Variants in CELF2 observed in about 807,000 individuals in gnomAD.
CELF2 encodes CUG triplet repeat RNA-binding protein 2.
CELF2 carries 8 observed loss-of-function variants against 62.6 expected under a neutral mutation model. The ratio of observed to expected loss-of-function variants is 0.13; its 90% confidence interval spans 0.07 to 0.23. The LOEUF is 0.23. Among genes scored for constraint, CELF2 ranks in the 10% least tolerant of loss-of-function variants. The pLI is 1.00. For missense variants in CELF2, 333 were observed against 671.0 expected, an observed-to-expected ratio of 0.50 and a Z score of 5.56; for synonymous variants, 258 against 250.0, an observed-to-expected ratio of 1.03 and a Z score of -0.30.
At chr10:10,876,731 A>T (rs2061121381) in intron 1 of CELF2, among the ~76,000 whole-genome samples, 1 of 152,162 alleles carries the variant, frequency 6.6e-6, no homozygotes, top group African/African-American at 2.4e-5. Context: ...CATGTCTCTT[A>T]TGTTCTCCTC....
rs2092386532 is a variant in CELF2, at chr10:11,290,632, G to C, written c.976+2080G>C. On this transcript the variant is annotated intron_variant, in intron 9 of 12. Coordinates refer to ENST00000633077, the MANE Select transcript of CELF2 (RefSeq NM_001326342.2). This position sits in a 1 kb window ranked among gnomAD's most constrained non-coding sequence, Gnocchi z 4.3. ...GTGACTATTTTCAATTTCTTCCTGA[G>C]ACTGCAGTGGAGGAAAATGTGTTGT... is the stretch of plus-strand genomic sequence containing the variant. Among the ~76,000 whole-genome samples the C allele has an allele frequency of 6.6e-6, 1 of 152,124 alleles. No individual in the cohort carries two copies. The highest frequency in any genetic ancestry group is 1.5e-5 in the Non-Finnish European group (1 of 68,030).
chr10:10,816,789 G>A (rs1176784667), intron 1 of CELF2, among the ~76,000 whole-genome samples: 2 of 152,198 alleles, frequency 1.3e-5, no homozygotes, highest in Non-Finnish European at 2.9e-5. Context: ...GTATGGTCCA[G>A]GTTCAGGTAA....
chr10:10,902,521 T>C (rs2063012640), intron 1 of CELF2, among the ~76,000 whole-genome samples: 1 of 152,198 alleles, frequency 6.6e-6, no homozygotes, highest in Admixed American at 6.5e-5. Flanking sequence ...CATAGGATTC[T>C]ATTTATGTAC....
chr10:10,795,239 CTTTTTT>C (rs10551602), upstream of CELF2, among the ~76,000 whole-genome samples: 3 of 134,734 alleles, frequency 2.2e-5, no homozygotes, highest in African/African-American at 8.1e-5. Context: ...ATGGATTCAA[CTTTTTT>C]TTTTTTTTTT....
intron 1 of CELF2, among the ~76,000 whole-genome samples, chr10:11,087,468 C>G (rs1564680656): frequency 6.6e-6 from 1 of 152,222 alleles, no homozygotes; most frequent in African/African-American, 2.4e-5. Flanking sequence ...GAAGTAGCAA[C>G]TGGCTTCTCC....
At chr10:10,836,422 C>T (rs1277434230) in intron 1 of CELF2, among the ~76,000 whole-genome samples, 1 of 152,182 alleles carries the variant, frequency 6.6e-6, no homozygotes, top group Non-Finnish European at 1.5e-5. Context: ...GATAAAACTA[C>T]AAGTGTGTCT....
chr10:10,864,385 AC>A (rs1184488505), intron 1 of CELF2, among the ~76,000 whole-genome samples: 1 of 152,164 alleles, frequency 6.6e-6, no homozygotes, highest in Non-Finnish European at 1.5e-5. Context: ...GCCACTCTTG[AC>A]TGAGCTCTCT....
the CELF2 span, among the ~76,000 whole-genome samples, chr10:10,477,262 G>T: frequency 1.3e-5 from 2 of 152,142 alleles, no homozygotes; most frequent in East Asian, 3.8e-4. Flanking sequence ...ATGGGGTTGG[G>T]GAGAGGCATA....
intron 1 of CELF2, among the ~76,000 whole-genome samples, chr10:10,898,839 A>G (rs926665175): frequency 6.6e-6 from 1 of 152,266 alleles, no homozygotes; most frequent in Non-Finnish European, 1.5e-5. Flanking sequence ...AACATTTAGC[A>G]AAATAGTTCA....
chr10:11,204,643 G>A (rs983952314), intron 2 of CELF2, among the ~76,000 whole-genome samples: 14 of 152,216 alleles, frequency 9.2e-5, no homozygotes, highest in Admixed American at 9.2e-4. Context: ...CGGAACCACA[G>A]TCAGACGGCA....
chr10:10,985,552 G>T (rs1037694023), intron 2 of CELF2, among the ~76,000 whole-genome samples: 1 of 152,152 alleles, frequency 6.6e-6, no homozygotes, highest in African/African-American at 2.4e-5. Context: ...TAAGTGCTTG[G>T]TAATCATCTT....
At chr10:11,005,038 A>G (rs2054948022), upstream of CELF2, 1 of 985,284 alleles carries the variant, frequency 1.0e-6, no homozygotes, top group African/African-American at 1.7e-5. The surrounding 1 kb of genome is among the most constrained non-coding windows in gnomAD (Gnocchi z 4.3). Context: ...TTGTTCCCCC[A>G]ATTTTTAAAG....
At chr10:10,758,927 A>G in the CELF2 span, among the ~76,000 whole-genome samples, 23,173 of 152,086 alleles carry the variant, frequency 0.15, 1,968 homozygotes, top group East Asian at 0.29. Context: ...TTGTCTTTTG[A>G]TTAAAACTGC....
intron 9 of CELF2, among the ~76,000 whole-genome samples, chr10:11,301,538 G>T: frequency 8.1e-6 from 1 of 124,192 alleles, no homozygotes; most frequent in African/African-American, 3.2e-5. Context: ...CGCTCCCGCT[G>T]CCCCCGGCCC....
chr10:10,568,884 T>C, the CELF2 span, among the ~76,000 whole-genome samples: 1 of 152,156 alleles, frequency 6.6e-6, no homozygotes, highest in East Asian at 1.9e-4. Context: ...TTGGAGCCTA[T>C]GGCCATAAAT....
intron 1 of CELF2, among the ~76,000 whole-genome samples, chr10:11,139,508 G>A (rs2060958156): frequency 6.6e-6 from 1 of 152,172 alleles, no homozygotes; most frequent in South Asian, 2.1e-4. Context: ...CTAAATAAAA[G>A]GGGCCATATC....
intron 12 of CELF2, 77 bp downstream of exon 12, chr10:11,326,056 G>T: frequency 7.0e-7 from 1 of 1,433,866 alleles, no homozygotes; most frequent in Non-Finnish European, 9.5e-7. Flanking sequence ...ATGTGAGACA[G>T]TTTCAGCCAG....
rs2075824329 is a variant in CELF2 at position 11,247,101 on chromosome 10, C to T, written c.355-2052C>T. On this transcript the variant is annotated intron_variant, in intron 3 of 12. Transcript: ENST00000633077. This position sits in a 1 kb window ranked among gnomAD's most constrained non-coding sequence, Gnocchi z 5.4. ...CTGCGGCAGCAGCCTCTTAACTGTC[C>T]TCCCTGCCTGTGTCTCTCGTCTGTA... Among the ~76,000 whole-genome samples, 1 of 152,250 alleles carries T rather than the reference C, an allele frequency of 6.6e-6. No individual in the cohort carries two copies. The highest frequency in any genetic ancestry group is 1.5e-5 in the Non-Finnish European group (1 of 68,040).
the CELF2 span, among the ~76,000 whole-genome samples, chr10:10,749,124 A>G: frequency 5.3e-4 from 80 of 152,340 alleles, no homozygotes; most frequent in African/African-American, 1.9e-3. Context: ...TTGCAAGAAA[A>G]CAGAGTGAAA....
Sources: gnomAD v4.1 joint callset for allele counts (sites outside exome capture counted in the v4.1 genomes callset) on GRCh38, gnomAD v4.1.1 for gene constraint, Gnocchi (gnomAD v3.1) non-coding constraint, MANE v1.5 for transcripts, NCBI Gene and HGNC (gene_info 2026-07-23, HGNC 2026-07-21) for gene names.